CFAP97D2: variants seen among roughly 807,000 people sequenced by gnomAD.
CFAP97D2 encodes uncharacterized protein CFAP97D2.
At chr13:114,191,354 T>C (rs970704433) in intron 1 of CFAP97D2, among the ~76,000 whole-genome samples, 10 of 151,988 alleles carry the variant, frequency 6.6e-5, no homozygotes, top group African/African-American at 2.4e-4. Context: ...TGGGAGAAAA[T>C]ATTCGCAAAA....
At chr13:114,198,617 G>T (rs1309682583) in intron 2 of CFAP97D2, among the ~76,000 whole-genome samples, 1 of 152,060 alleles carries the variant, frequency 6.6e-6, no homozygotes, top group African/African-American at 2.4e-5. Context: ...CAAAGCAGCT[G>T]GTGGTCCCCG....
intron 3 of CFAP97D2, among the ~76,000 whole-genome samples, chr13:114,205,706 G>T (rs1414128101): frequency 6.6e-6 from 1 of 152,142 alleles, no homozygotes; most frequent in African/African-American, 2.4e-5. Flanking sequence ...ATGTTGTGGG[G>T]ACACACAGGT....
Position 114,211,900 on chromosome 13 carries a change from T to C in CFAP97D2, c.291-12T>C, listed in dbSNP as rs2080967999. The C allele has an allele frequency of 1.0e-5, 4 of 398,608 alleles. No homozygotes were observed. The highest frequency in any genetic ancestry group is 1.8e-5 in the Non-Finnish European group (4 of 226,130). The allele number at this position is 398,608 out of a possible 1,614,324, so 24.7% of individuals were successfully genotyped here. On this transcript the variant is annotated splice_polypyrimidine_tract_variant and intron_variant, in intron 3 of 4. Transcript: ENST00000646158. This position sits in a 1 kb window ranked among gnomAD's most constrained non-coding sequence, Gnocchi z 4.2. ...AATCCAAATTTCAAAATGTGTGTGCTCTTTCGTGGAGTCTGCACAGGGGGA... is the reference window on the plus strand; with the variant it reads ...AATCCAAATTTCAAAATGTGTGTGCCCTTTCGTGGAGTCTGCACAGGGGGA...
intron 1 of CFAP97D2, among the ~76,000 whole-genome samples, chr13:114,182,719 C>G (rs147136392): frequency 0.011 from 1,717 of 152,348 alleles, 95 homozygotes; most frequent in Admixed American, 0.081. Flanking sequence ...CTGCACAGCC[C>G]TAGATCCCTT....
intron 1 of CFAP97D2, among the ~76,000 whole-genome samples, chr13:114,184,507 A>G (rs1281914547): frequency 6.6e-6 from 1 of 152,230 alleles, no homozygotes; most frequent in Non-Finnish European, 1.5e-5. Context: ...ACAAGACTCC[A>G]ACAGAGGAAC....
At chr13:114,184,597 A>G (rs2080848678) in intron 1 of CFAP97D2, among the ~76,000 whole-genome samples, 2 of 152,212 alleles carry the variant, frequency 1.3e-5, no homozygotes, top group South Asian at 4.1e-4. Context: ...TGTCCAGAGG[A>G]AGGGAAGCAA....
rs945997070 is a variant in CFAP97D2, at chr13:114,189,324, C to G, written c.91-7072C>G. On this transcript the variant is annotated intron_variant, in intron 1 of 4. Coordinates refer to ENST00000646158, the Ensembl canonical transcript of CFAP97D2. This position sits in a 1 kb window ranked among gnomAD's most constrained non-coding sequence, Gnocchi z 4.5. ...CAATCTGAATAGACCCATATCTATT[C>G]AAGAAATTGAATCAATAATTAAACT... Among the ~76,000 whole-genome samples the G allele has an allele frequency of 6.6e-6, 1 of 152,132 alleles. No individual in the cohort carries two copies. The highest frequency in any genetic ancestry group is 6.5e-5 in the Admixed American group (1 of 15,280).
intron 1 of CFAP97D2, among the ~76,000 whole-genome samples, chr13:114,182,104 T>C (rs924151392): frequency 5.9e-5 from 9 of 151,402 alleles, no homozygotes; most frequent in African/African-American, 1.5e-4. Context: ...ATTATTATTT[T>C]CATTATTTCA....
At chr13:114,222,781 G>C, downstream of CFAP97D2, 1 of 374,182 alleles carries the variant, frequency 2.7e-6, no homozygotes, top group Middle Eastern at 6.9e-4. The surrounding 1 kb of genome is among the most constrained non-coding windows in gnomAD (Gnocchi z 4.4). Flanking sequence ...AAGTGCCCAG[G>C]AGGCAGCTCC....
intron 1 of CFAP97D2, among the ~76,000 whole-genome samples, chr13:114,192,668 T>TA (rs1178659350): frequency 6.6e-6 from 1 of 151,666 alleles, no homozygotes; most frequent in Admixed American, 6.6e-5. Flanking sequence ...ACCAAAAAAG[T>TA]AAAAAAACAC....
chr13:114,210,142 A>T (rs1184612532), intron 3 of CFAP97D2, among the ~76,000 whole-genome samples: 1 of 152,204 alleles, frequency 6.6e-6, no homozygotes, highest in African/African-American at 2.4e-5. Context: ...ATTTTTGTGC[A>T]CATATATGTA....
intron 3 of CFAP97D2, among the ~76,000 whole-genome samples, chr13:114,202,373 A>C (rs1159453627): frequency 1.3e-5 from 2 of 152,202 alleles, no homozygotes; most frequent in Non-Finnish European, 2.9e-5. Context: ...CCGCATGAGG[A>C]GCTCTCTCAA....
At chr13:114,221,268 A>C (rs1207080172) in intron 4 of CFAP97D2, among the ~76,000 whole-genome samples, 2 of 152,164 alleles carry the variant, frequency 1.3e-5, no homozygotes, top group African/African-American at 4.8e-5. Context: ...AAAACAAAAA[A>C]AGTGACTCAC....
intron 4 of CFAP97D2, among the ~76,000 whole-genome samples, chr13:114,220,030 A>G (rs532023716): frequency 6.6e-6 from 1 of 152,262 alleles, no homozygotes; most frequent in Non-Finnish European, 1.5e-5. Context: ...GCGACGAGGG[A>G]GCACGGCACA....
At position 114,185,623 on chromosome 13, in the gene CFAP97D2, T is replaced by C. The variant is rs2080851481; in HGVS notation, c.90+6203T>C. ...CAGGCTCAGAAGTGCCTGCTCCCAC[T>C]GCCTGGCTTCTCCCCACTGTTGGCA... On this transcript the variant is annotated intron_variant, in intron 1 of 4. Transcript: ENST00000646158. The surrounding 1 kb of genome is among the most constrained non-coding windows in gnomAD (Gnocchi z 5.2). Among the ~76,000 whole-genome samples the C allele has an allele frequency of 6.6e-6, 1 of 152,222 alleles. No individual in the cohort carries two copies. Among genetic ancestry groups the C allele is most frequent in the Admixed American group, 6.5e-5 (1 of 15,290 alleles).
At chr13:114,181,139 G>A (rs545603572) in intron 1 of CFAP97D2, among the ~76,000 whole-genome samples, 1 of 152,356 alleles carries the variant, frequency 6.6e-6, no homozygotes, top group South Asian at 2.1e-4. Flanking sequence ...TGAAAAGAGG[G>A]ACTGGGTGTC....
chr13:114,185,273 A>G lies in CFAP97D2; in HGVS notation c.90+5853A>G, dbSNP rs1398230493. ...GAGCCCACCCCTGGGAGCCCCCTGG[A>G]ACCTGTCACCCTAAGAGCCGCTGTG... is the stretch of plus-strand genomic sequence containing the variant. On this transcript the variant is annotated intron_variant, in intron 1 of 4. Transcript: ENST00000646158. This position sits in a 1 kb window ranked among gnomAD's most constrained non-coding sequence, Gnocchi z 5.2. 2.6e-5 allele frequency among the ~76,000 whole-genome samples: 4 copies of G among 152,178 alleles called. No individual in the cohort carries two copies.
rs1348929625 is a variant in CFAP97D2 at position 114,187,307 on chromosome 13, A to G, written c.90+7887A>G. Among the ~76,000 whole-genome samples the G allele has an allele frequency of 6.6e-6, 1 of 152,174 alleles. No individual in the cohort carries two copies. Among genetic ancestry groups the G allele is most frequent in the East Asian group, 1.9e-4 (1 of 5,176 alleles). On this transcript the variant is annotated intron_variant, in intron 1 of 4. Coordinates refer to ENST00000646158, the Ensembl canonical transcript of CFAP97D2. The surrounding 1 kb of genome is among the most constrained non-coding windows in gnomAD (Gnocchi z 4.2). ...AACAAACAAAATAGTAACAAATATG[A>G]TAGCTATTTATCCAACTATATTAAT...
rs2080853598 is a variant in CFAP97D2 at position 114,186,459 on chromosome 13, C to G, written c.90+7039C>G. ...CTGGATGCAGGACAAGAACTTGGGA[C>G]CCATCAAGTGGTGGGGCTAAAAGAG... is the stretch of plus-strand genomic sequence containing the variant. On this transcript the variant is annotated intron_variant, in intron 1 of 4. Transcript: ENST00000646158. The surrounding 1 kb of genome is among the most constrained non-coding windows in gnomAD (Gnocchi z 4.3). 6.6e-6 allele frequency among the ~76,000 whole-genome samples: 1 copy of G among 152,198 alleles called. No homozygotes were observed. The highest frequency in any genetic ancestry group is 2.1e-4 in the South Asian group (1 of 4,828).
Sources: gnomAD v4.1 joint callset for allele counts (sites outside exome capture counted in the v4.1 genomes callset) on GRCh38, gnomAD v4.1.1 for gene constraint, Gnocchi (gnomAD v3.1) non-coding constraint, MANE v1.5 for transcripts, NCBI Gene and HGNC (gene_info 2026-07-23, HGNC 2026-07-21) for gene names.